NTM: variants seen among roughly 807,000 people sequenced by gnomAD.
NTM encodes the protein IgLON family member 2.
A neutral mutation model predicts 42.1 loss-of-function variants in NTM; 13 were observed. The observed-to-expected ratio is 0.31, with a 90% confidence interval of 0.20 to 0.49. NTM has a LOEUF of 0.49. Ranked by LOEUF, NTM falls within the 20% of genes least tolerant of loss-of-function variation. NTM has a pLI of 0.99. For synonymous variants in NTM, 187 were observed against 179.2 expected, an observed-to-expected ratio of 1.04 and a Z score of -0.35; for missense variants, 373 against 452.8, an observed-to-expected ratio of 0.82 and a Z score of 1.60.
intron 1 of NTM, among the ~76,000 whole-genome samples, chr11:131,516,848 G>C (rs769237021): frequency 3.3e-5 from 5 of 152,172 alleles, no homozygotes; most frequent in Non-Finnish European, 7.3e-5. Flanking sequence ...TAGTGGTAAC[G>C]AATCTTTGTG....
intron 4 of NTM, among the ~76,000 whole-genome samples, chr11:132,212,872 C>G (rs2083099421): frequency 6.6e-6 from 1 of 151,988 alleles, no homozygotes; most frequent in South Asian, 2.1e-4. Context: ...AGTCCAGCCT[C>G]TCTTCTAGGC....
At chr11:132,179,431 G>A (rs2077247057) in intron 3 of NTM, among the ~76,000 whole-genome samples, 1 of 152,070 alleles carries the variant, frequency 6.6e-6, no homozygotes, top group Non-Finnish European at 1.5e-5. Flanking sequence ...ACGTGTGTGT[G>A]GAGAGAGAGA....
chr11:131,682,139 C>T (rs138618695), intron 1 of NTM, among the ~76,000 whole-genome samples: 348 of 152,218 alleles, frequency 2.3e-3, no homozygotes, highest in African/African-American at 7.9e-3. Flanking sequence ...GGTCATCTCC[C>T]TGGCACGAGG....
intron 1 of NTM, among the ~76,000 whole-genome samples, chr11:131,734,462 C>T (rs1294124867): frequency 1.3e-5 from 2 of 152,132 alleles, no homozygotes; most frequent in African/African-American, 4.8e-5. Flanking sequence ...TTTTAACAAA[C>T]ATGGACCTAA....
At chr11:131,505,491 A>G (rs189214647) in intron 1 of NTM, among the ~76,000 whole-genome samples, 1 of 152,340 alleles carries the variant, frequency 6.6e-6, no homozygotes, top group East Asian at 1.9e-4. Flanking sequence ...CAAGATTCCC[A>G]AGATGTTGAA....
chr11:132,001,841 C>G (rs771350233), intron 2 of NTM, among the ~76,000 whole-genome samples: 1 of 151,700 alleles, frequency 6.6e-6, no homozygotes, highest in Admixed American at 6.6e-5. Flanking sequence ...GATGACAAAA[C>G]CATACTTGAG....
rs2090551222 is a variant in NTM, at chr11:131,789,666, G to GAAGAAGAAGAAGAAGAAGAAGAAGAAA, written c.83-121896_83-121895insGAAGAAGAAGAAGAAGAAGAAGAAAAA. On this transcript the variant is annotated intron_variant, in intron 1 of 8. Transcript: ENST00000683400. ...AGAAGAAGAAGAAGAAGAAGAAGAA[G>GAAGAAGAAGAAGAAGAAGAAGAAGAAA]AAAGCATGGGCCGGGGGCGGTGGCT... Among the ~76,000 whole-genome samples, 2 of 119,790 alleles carry GAAGAAGAAGAAGAAGAAGAAGAAGAAA rather than the reference G, an allele frequency of 1.7e-5. 1 individual carries two copies. Among genetic ancestry groups the GAAGAAGAAGAAGAAGAAGAAGAAGAAA allele is most frequent in the African/African-American group, 6.2e-5 (2 of 32,010 alleles). 78.6% of individuals were successfully genotyped at this position (119,790 alleles called of 152,430 possible).
At chr11:131,776,548 C>G (rs757803346) in intron 1 of NTM, among the ~76,000 whole-genome samples, 18 of 152,026 alleles carry the variant, frequency 1.2e-4, no homozygotes, top group Admixed American at 2.6e-4. Flanking sequence ...GTGTCTACCA[C>G]AAAACTGCTA....
intron 2 of NTM, among the ~76,000 whole-genome samples, chr11:132,120,487 G>T (rs149180667): frequency 1.2e-3 from 181 of 152,298 alleles, no homozygotes; most frequent in Non-Finnish European, 1.8e-3. Context: ...GGTTGCAAGA[G>T]ACAGTGTCTT....
intron 2 of NTM, among the ~76,000 whole-genome samples, chr11:132,062,496 CTT>C (rs67319928): frequency 7.1e-4 from 105 of 148,578 alleles, no homozygotes; most frequent in South Asian, 1.5e-3. Context: ...AAGAGATAGG[CTT>C]TTTTTTTTTT....
At chr11:131,836,756 T>C (rs938142553) in intron 1 of NTM, among the ~76,000 whole-genome samples, 1 of 152,212 alleles carries the variant, frequency 6.6e-6, no homozygotes, top group African/African-American at 2.4e-5. Flanking sequence ...GTTTACTAAT[T>C]ACTCTGGAAC....
intron 2 of NTM, among the ~76,000 whole-genome samples, chr11:131,988,064 T>C (rs1415269695): frequency 1.3e-5 from 2 of 152,208 alleles, no homozygotes; most frequent in Non-Finnish European, 2.9e-5. Context: ...ACCATCCGAT[T>C]TGGTGTCTGT....
chr11:131,395,000 G>C (rs571248277), intron 1 of NTM, among the ~76,000 whole-genome samples: 7 of 152,164 alleles, frequency 4.6e-5, no homozygotes, highest in Non-Finnish European at 1.0e-4. Context: ...GGGGTGTTAG[G>C]TACGGGACCT....
At chr11:132,242,146 C>T (rs1230745270) in intron 4 of NTM, among the ~76,000 whole-genome samples, 5 of 152,230 alleles carry the variant, frequency 3.3e-5, no homozygotes, top group African/African-American at 1.2e-4. Context: ...CAGTAGGCCT[C>T]TCAGTCCTTA....
chr11:131,765,021 C>T (rs1040710425), intron 1 of NTM, among the ~76,000 whole-genome samples: 4 of 152,240 alleles, frequency 2.6e-5, no homozygotes, highest in South Asian at 2.1e-4. Flanking sequence ...AAGTTCTTGC[C>T]GCTCACTGGT....
At chr11:131,851,146 A>G (rs192703531) in intron 1 of NTM, among the ~76,000 whole-genome samples, 4 of 152,226 alleles carry the variant, frequency 2.6e-5, no homozygotes, top group Non-Finnish European at 4.4e-5. Context: ...TTCAGGTCAT[A>G]TATAATTATT....
intron 1 of NTM, among the ~76,000 whole-genome samples, chr11:131,702,125 GGACATTGGGA>G (rs370473820): frequency 1.5e-3 from 221 of 152,086 alleles, no homozygotes; most frequent in African/African-American, 5.0e-3. Context: ...TACTCAACTT[GGACATTGGGA>G]GACTACCTTA....
chr11:131,415,470 A>T (rs1219324031), intron 1 of NTM, among the ~76,000 whole-genome samples: 1 of 152,246 alleles, frequency 6.6e-6, no homozygotes, highest in African/African-American at 2.4e-5. Context: ...GCTTGAGAAT[A>T]TAATCATATA....
chr11:131,642,759 A>G lies in NTM; in HGVS notation c.83-268805A>G, dbSNP rs1360620714. Among the ~76,000 whole-genome samples, 4 of 152,314 alleles carry G rather than the reference A, an allele frequency of 2.6e-5. No homozygotes were observed. In the East Asian group the frequency reaches 7.7e-4, roughly 29 times the overall value. On this transcript the variant is annotated intron_variant, in intron 1 of 8. Transcript: ENST00000683400. ...ATGGTGTTGAGGAATCTCCAAACCA[A>G]TTTAAATTTCACCCACTATTTTTTT...
Sources: gnomAD v4.1 joint callset for allele counts (sites outside exome capture counted in the v4.1 genomes callset) on GRCh38, gnomAD v4.1.1 for gene constraint, MANE v1.5 for transcripts, NCBI Gene and HGNC (gene_info 2026-07-23, HGNC 2026-07-21) for gene names.